Variants in TRRAP observed in about 807,000 individuals in gnomAD.
TRRAP encodes transformation/transcription domain-associated protein.
A neutral mutation model predicts 438.8 loss-of-function variants in TRRAP; 41 were observed. That is an observed-to-expected ratio of 0.09 (90% CI 0.07 to 0.12). TRRAP has a LOEUF of 0.12. Ranked by LOEUF, TRRAP falls within the 10% of genes least tolerant of loss-of-function variation. The pLI is 1.00. For synonymous variants in TRRAP, 1,994 were observed against 1,962.9 expected (o/e 1.02, Z -0.42); for missense variants, 3,122 against 5,055.1 (o/e 0.62, Z 11.60).
chr7:98,923,737 G>A (rs1554411027), intron 21 of TRRAP, among the ~76,000 whole-genome samples: 1 of 152,210 alleles, frequency 6.6e-6, no homozygotes, highest in Non-Finnish European at 1.5e-5. Flanking sequence ...GCCTGGCAGG[G>A]GCTGGTGGGG....
intron 31 of TRRAP, among the ~76,000 whole-genome samples, chr7:98,945,231 T>TACATGCGTGCACACACACAC (rs1554416503): frequency 6.6e-6 from 1 of 152,208 alleles, no homozygotes; most frequent in Non-Finnish European, 1.5e-5. Context: ...TATGCACACA[T>TACATGCGTGCACACACACAC]ACATGCGTGC....
intron 19 of TRRAP, 145 bp downstream of exon 19, chr7:98,916,033 G>GC (rs1584306681): frequency 1.8e-6 from 2 of 1,110,448 alleles, no homozygotes; most frequent in East Asian, 5.2e-5. Context: ...CCGCCCCCCT[G>GC]CCCCCCTCCC....
intron 45 of TRRAP, among the ~76,000 whole-genome samples, chr7:98,959,984 TG>T (rs2116657974): frequency 6.6e-6 from 1 of 151,964 alleles, no homozygotes; most frequent in South Asian, 2.1e-4. Context: ...AGAATGGCTT[TG>T]GGACTTGAGC....
intron 27 of TRRAP, among the ~76,000 whole-genome samples, chr7:98,935,325 T>C (rs1325807582): frequency 6.6e-6 from 1 of 151,818 alleles, no homozygotes; most frequent in Non-Finnish European, 1.5e-5. Context: ...TCAGAGTGGG[T>C]GAGAAAAAAA....
chr7:98,929,099 CG>C (rs1790204337), intron 23 of TRRAP, among the ~76,000 whole-genome samples: 2 of 151,950 alleles, frequency 1.3e-5, no homozygotes, highest in Admixed American at 1.3e-4. Flanking sequence ...CCACCACGCC[CG>C]GGTAATTTTT....
At chr7:98,923,844 A>G (rs536708790) in intron 21 of TRRAP, among the ~76,000 whole-genome samples, 49 of 152,316 alleles carry the variant, frequency 3.2e-4, no homozygotes, top group African/African-American at 1.2e-3. Flanking sequence ...TATGTACATA[A>G]TTATTGTTAA....
At chr7:98,883,812 C>T (rs1197215353) in intron 3 of TRRAP, among the ~76,000 whole-genome samples, 1 of 152,202 alleles carries the variant, frequency 6.6e-6, no homozygotes, top group Non-Finnish European at 1.5e-5. Context: ...CTGTGCCCAA[C>T]CGTCTAGTAA....
chr7:98,990,922 G>A (rs981485096), intron 64 of TRRAP, among the ~76,000 whole-genome samples: 2 of 152,184 alleles, frequency 1.3e-5, no homozygotes, highest in African/African-American at 2.4e-5. Context: ...ACAATTGCCA[G>A]TGGGTACCCT....
At position 98,935,626 on chromosome 7, in the gene TRRAP, C is replaced by G; in HGVS notation, c.4062C>G (p.Pro1354=). Residue 1354 remains proline, a synonymous_variant, in exon 28 of 73, where the codon CCC becomes CCG. Transcript: ENST00000456197. ...EAEDSALTKL[P]CYKSLPSLVP... Reference sequence around the variant, plus strand: ...AAGATTCAGCTTTAACAAAGCTGCCCTGTTATAAAAGCCTTCCGTCACTCG... The same window carrying G: ...AAGATTCAGCTTTAACAAAGCTGCCGTGTTATAAAAGCCTTCCGTCACTCG... 6.2e-7 allele frequency: 1 copy of G among 1,605,426 alleles called. No individual in the cohort carries two copies.
Position 99,004,176 on chromosome 7 carries a change from GTTTTAT to G in TRRAP, c.10310-8_10310-3del. ...GATGACTAAAAACGTTTTTAATCATGTTTTATTTTTAAGATTTTGACTTCAGCGTTC... is the reference window on the plus strand; with the variant it reads ...GATGACTAAAAACGTTTTTAATCATGTTTTAAGATTTTGACTTCAGCGTTC... On this transcript the variant is annotated splice_polypyrimidine_tract_variant and splice_region_variant and intron_variant, in intron 67 of 72. Transcript: ENST00000456197. 6.2e-7 allele frequency: 1 copy of G among 1,603,592 alleles called. No individual in the cohort carries two copies. The highest frequency in any genetic ancestry group is 8.5e-7 in the Non-Finnish European group (1 of 1,176,722).
intron 16 of TRRAP, 147 bp downstream of exon 16, chr7:98,910,754 T>C (rs951235934): frequency 5.7e-6 from 4 of 701,312 alleles, no homozygotes; most frequent in Non-Finnish European, 9.2e-6. Flanking sequence ...TTCCACAACA[T>C]AGCACTGCGT....
At chr7:98,973,739 C>T (rs1792524698) in intron 53 of TRRAP, among the ~76,000 whole-genome samples, 1 of 152,188 alleles carries the variant, frequency 6.6e-6, no homozygotes, top group Non-Finnish European at 1.5e-5. Flanking sequence ...AGACGTCAGC[C>T]ATACTGTTCC....
intron 67 of TRRAP, among the ~76,000 whole-genome samples, chr7:98,996,578 T>G (rs1009937442): frequency 2.0e-5 from 3 of 152,266 alleles, no homozygotes; most frequent in Non-Finnish European, 4.4e-5. Context: ...GCTTAATTAC[T>G]GCATTTTTAA....
intron 58 of TRRAP, 126 bp from the exon 59 acceptor site, chr7:98,981,640 TATA>T (rs1792924754): frequency 1.1e-6 from 1 of 887,388 alleles, no homozygotes; most frequent in South Asian, 1.8e-5. Flanking sequence ...AATACATTTC[TATA>T]GCCTAATTTC....
intron 18 of TRRAP, among the ~76,000 whole-genome samples, chr7:98,913,973 G>A (rs1208334088): frequency 6.6e-6 from 1 of 152,224 alleles, no homozygotes; most frequent in African/African-American, 2.4e-5. Flanking sequence ...AATAAGATGT[G>A]TGCATTTGGA....
chr7:98,997,274 C>T (rs1775371381), intron 67 of TRRAP, among the ~76,000 whole-genome samples: 1 of 151,746 alleles, frequency 6.6e-6, no homozygotes, highest in South Asian at 2.1e-4. Context: ...CCACTGCACT[C>T]CAGCCTGGGC....
intron 51 of TRRAP, among the ~76,000 whole-genome samples, 167 bp downstream of exon 51, chr7:98,967,865 A>T (rs895934586): frequency 6.6e-6 from 1 of 152,336 alleles, no homozygotes; most frequent in African/African-American, 2.4e-5. Flanking sequence ...GCAAGCGTTC[A>T]TCTAAAGCGT....
Position 98,908,803 on chromosome 7 carries a change from C to T in TRRAP, c.1191C>T (p.Leu397=), listed in dbSNP as rs782342361. 19 of 1,602,532 alleles carry T rather than the reference C, an allele frequency of 1.2e-5. No homozygotes were observed. The East Asian group carries it at 1.6e-4, about 13-fold the overall frequency. Reference sequence around the variant, plus strand: ...ACCTGCCCCTCAGCGACCTCTCCCTCGCCGTCCAGCTCTTCGCCAAGAACA... The same window carrying T: ...ACCTGCCCCTCAGCGACCTCTCCCTTGCCGTCCAGCTCTTCGCCAAGAACA... ...RQHLPLSDLS[L]AVQLFAKNID... The change falls in exon 14 of 73, where the codon CTC becomes CTT. Residue 397 remains leucine (L), a synonymous_variant. Coordinates refer to ENST00000456197, the MANE Select transcript of TRRAP (RefSeq NM_001375524.1). The surrounding 1 kb of genome is among the most constrained non-coding windows in gnomAD (Gnocchi z 4.1).
At position 98,910,388 on chromosome 7, in the gene TRRAP, G is replaced by A. The variant is rs782080554; in HGVS notation, c.1683G>A (p.Thr561=). The A allele has an allele frequency of 3.1e-6, 5 of 1,608,834 alleles. No homozygotes were observed. Among genetic ancestry groups the A allele is most frequent in the Middle Eastern group, 1.6e-4 (1 of 6,072 alleles). Residue 561 remains threonine (T), a synonymous_variant, in exon 15 of 73, where the codon ACG becomes ACA. Transcript: ENST00000456197. ...TGGTGTGTGGTGTCAAGACAATCAC[G>A]TGGGGCATAACATCATGCAAAGCAC... ...KTLVCGVKTI[T]WGITSCKAPG...
Sources: gnomAD v4.1 joint callset for allele counts (sites outside exome capture counted in the v4.1 genomes callset) on GRCh38, gnomAD v4.1.1 for gene constraint, Gnocchi (gnomAD v3.1) non-coding constraint, MANE v1.5 for transcripts, NCBI Gene and HGNC (gene_info 2026-07-23, HGNC 2026-07-21) for gene names.